Variants in CNTN4 observed in about 807,000 individuals in gnomAD.
CNTN4 encodes the protein contactin-4.
Under a neutral mutation model 122.5 loss-of-function variants are expected in CNTN4, and 77 were observed. That is an observed-to-expected ratio of 0.63 (90% confidence interval 0.52 to 0.76). The LOEUF (loss-of-function observed/expected upper bound fraction) is 0.76. Ranked by LOEUF, CNTN4 falls within the 30% of genes least tolerant of loss-of-function variation. CNTN4 has a pLI of 0.00. For synonymous variants in CNTN4, 512 were observed against 447.0 expected (o/e 1.15, Z -1.83); for missense variants, 1,256 against 1,259.1 (o/e 1.00, Z 0.04).
At chr3:2,362,836 A>G (rs554992582) in intron 3 of CNTN4, 6 of 181,476 alleles carry the variant, frequency 3.3e-5, no homozygotes, top group Non-Finnish European at 6.9e-5. Flanking sequence ...GCTCTCTCCC[A>G]AAAAACAATC....
intron 6 of CNTN4, among the ~76,000 whole-genome samples, chr3:2,777,323 G>A (rs1188120812): frequency 6.6e-6 from 1 of 152,168 alleles, no homozygotes; most frequent in African/African-American, 2.4e-5. Context: ...ACTAAATTTA[G>A]TAAAGAAAGA....
chr3:2,120,488 C>G (rs62244626), intron 2 of CNTN4, among the ~76,000 whole-genome samples: 1 of 146,356 alleles, frequency 6.8e-6, no homozygotes, highest in African/African-American at 2.6e-5. Flanking sequence ...ACTGCGAGCT[C>G]GCTTCCTGGG....
intron 2 of CNTN4, among the ~76,000 whole-genome samples, chr3:2,154,390 A>AT (rs1553581235): frequency 1.6e-4 from 24 of 152,010 alleles, no homozygotes; most frequent in African/African-American, 5.3e-4. Flanking sequence ...AAAAAAAAAA[A>AT]AAATAAAAGT....
chr3:2,650,847 C>G (rs938910998), intron 4 of CNTN4, among the ~76,000 whole-genome samples: 6 of 152,092 alleles, frequency 3.9e-5, no homozygotes, highest in African/African-American at 1.4e-4. Context: ...CAATGGAAAA[C>G]CAAAAAACTT....
intron 9 of CNTN4, among the ~76,000 whole-genome samples, chr3:2,883,587 T>C (rs2150986816): frequency 6.6e-6 from 1 of 152,350 alleles, no homozygotes; most frequent in Non-Finnish European, 1.5e-5. Context: ...TGAGGTACAG[T>C]TAAGCTGACT....
At chr3:2,970,220 A>G (rs1692764247) in intron 13 of CNTN4, among the ~76,000 whole-genome samples, 1 of 151,412 alleles carries the variant, frequency 6.6e-6, no homozygotes, top group Admixed American at 6.6e-5. Context: ...TCACCTTCCC[A>G]AGTAATTGGG....
chr3:2,681,016 C>G (rs1305370413), intron 4 of CNTN4, among the ~76,000 whole-genome samples: 1 of 152,018 alleles, frequency 6.6e-6, no homozygotes, highest in East Asian at 1.9e-4. Context: ...GGCTAAAATA[C>G]AAAATGTATA....
chr3:2,478,768 C>T (rs1435101520), intron 3 of CNTN4, among the ~76,000 whole-genome samples: 1 of 152,116 alleles, frequency 6.6e-6, no homozygotes, highest in Non-Finnish European at 1.5e-5. Context: ...TGATCTCATT[C>T]TTTTTTATGG....
intron 3 of CNTN4, among the ~76,000 whole-genome samples, chr3:2,507,563 G>A (rs377124788): frequency 9.2e-5 from 14 of 151,358 alleles, no homozygotes; most frequent in African/African-American, 2.9e-4. Context: ...GTGAAACCCC[G>A]TCTCTACTAA....
intron 3 of CNTN4, among the ~76,000 whole-genome samples, chr3:2,445,516 A>T (rs1407499760): frequency 6.6e-6 from 1 of 152,142 alleles, no homozygotes; most frequent in African/African-American, 2.4e-5. Context: ...CCGCTTGAAA[A>T]ACATTTTATA....
intron 3 of CNTN4, among the ~76,000 whole-genome samples, chr3:2,562,212 T>G (rs2078985185): frequency 6.6e-6 from 1 of 152,216 alleles, no homozygotes; most frequent in Non-Finnish European, 1.5e-5. Flanking sequence ...ATCCACAATC[T>G]TAAGTCAAAC....
At chr3:2,842,328 A>C (rs376725460) in intron 7 of CNTN4, among the ~76,000 whole-genome samples, 3 of 152,180 alleles carry the variant, frequency 2.0e-5, no homozygotes, top group Non-Finnish European at 4.4e-5. Flanking sequence ...CCCAAACACA[A>C]AATCTTCCAG....
chr3:2,222,107 A>G (rs1388084304), intron 2 of CNTN4, among the ~76,000 whole-genome samples: 1 of 152,202 alleles, frequency 6.6e-6, no homozygotes, highest in Non-Finnish European at 1.5e-5. Context: ...ATGAATGTTT[A>G]TAACAGCATG....
chr3:2,894,986 A>G (rs1430495442), intron 10 of CNTN4, among the ~76,000 whole-genome samples: 1 of 151,860 alleles, frequency 6.6e-6, no homozygotes, highest in East Asian at 1.9e-4. Context: ...AGAAGACTTC[A>G]TTTTCATTTA....
chr3:3,042,722 A>T (rs1700276779), intron 21 of CNTN4: 3 of 586,962 alleles, frequency 5.1e-6, no homozygotes, highest in Non-Finnish European at 6.0e-6. Context: ...CAAAACAAAC[A>T]TGGGAAAAAA....
intron 3 of CNTN4, among the ~76,000 whole-genome samples, chr3:2,508,122 G>T (rs1388797981): frequency 6.6e-6 from 1 of 152,030 alleles, no homozygotes; most frequent in Non-Finnish European, 1.5e-5. Flanking sequence ...AATTAATATG[G>T]CCACATATTT....
At position 2,810,474 on chromosome 3, in the gene CNTN4, A is replaced by G. The variant is rs2092578404; in HGVS notation, c.359-9012A>G. 5.3e-5 allele frequency among the ~76,000 whole-genome samples: 8 copies of G among 152,164 alleles called. No individual in the cohort carries two copies. The South Asian group carries it at 1.7e-3, about 32-fold the overall frequency. On this transcript the variant is annotated intron_variant, in intron 6 of 24. Coordinates refer to ENST00000418658, the MANE Select transcript of CNTN4 (RefSeq NM_175607.3). ...AATGTGGTGCAAGAAGAGAAAGAGG[A>G]GAATAACCTCCAATTTTGCTAAATA...
At chr3:2,666,858 G>C (rs1030451918) in intron 4 of CNTN4, among the ~76,000 whole-genome samples, 1 of 150,212 alleles carries the variant, frequency 6.7e-6, no homozygotes, top group African/African-American at 2.4e-5. Context: ...TTTTGTCTTT[G>C]TGATAGTGTG....
chr3:2,589,022 T>C (rs942209140), intron 4 of CNTN4, among the ~76,000 whole-genome samples: 9 of 152,194 alleles, frequency 5.9e-5, no homozygotes, highest in Admixed American at 4.6e-4. Flanking sequence ...AATTTAATGA[T>C]GTTGAAAAGC....
Sources: gnomAD v4.1 joint callset for allele counts (sites outside exome capture counted in the v4.1 genomes callset) on GRCh38, gnomAD v4.1.1 for gene constraint, MANE v1.5 for transcripts, NCBI Gene and HGNC (gene_info 2026-07-23, HGNC 2026-07-21) for gene names.